WRN: variants seen among roughly 807,000 people sequenced by gnomAD.
The protein encoded by WRN is WRN RecQ like helicase, also known as bifunctional 3'-5' exonuclease/ATP-dependent helicase WRN.
A neutral mutation model predicts 180.7 loss-of-function variants in WRN; 149 were observed. The observed-to-expected ratio is 0.82, with a 90% CI of 0.72 to 0.94. The LOEUF is 0.94. WRN is among the 40% of genes least tolerant of loss of function. WRN has a pLI of 0.00. For synonymous variants in WRN, 548 were observed against 568.9 expected (o/e 0.96, Z 0.52); for missense variants, 1,661 against 1,700.1 (o/e 0.98, Z 0.40).
intron 9 of WRN, among the ~76,000 whole-genome samples, chr8:31,083,193 A>G (rs1813388556): frequency 6.6e-6 from 1 of 152,214 alleles, no homozygotes; most frequent in African/African-American, 2.4e-5. Flanking sequence ...AATAAATAAC[A>G]TCTCTGACAT....
chr8:31,059,126 C>T (rs762558928), intron 2 of WRN, 27 bp from the exon 3 acceptor site: 2 of 1,523,790 alleles, frequency 1.3e-6, no homozygotes, highest in African/African-American at 2.7e-5. Context: ...GAACTTTGTG[C>T]CTGTTTTGAA....
rs527293531 is a variant in WRN at position 31,050,609 on chromosome 8, A to G, written c.-76-7763A>G. Among the ~76,000 whole-genome samples, 8 of 150,732 alleles carry G rather than the reference A, an allele frequency of 5.3e-5. No homozygotes were observed. The South Asian group carries it at 1.5e-3, about 28-fold the overall frequency. ...ACTCTACTTCCTGCTTCTTCATAGTATAATTTTCAACACTAGAGCAGTCTG... is the reference window on the plus strand; with the variant it reads ...ACTCTACTTCCTGCTTCTTCATAGTGTAATTTTCAACACTAGAGCAGTCTG... On this transcript the variant is annotated intron_variant, in intron 1 of 34. Coordinates refer to ENST00000298139, the MANE Select transcript of WRN (RefSeq NM_000553.6).
intron 24 of WRN, among the ~76,000 whole-genome samples, chr8:31,134,370 A>G (rs1489505152): frequency 1.3e-5 from 2 of 152,208 alleles, no homozygotes; most frequent in Non-Finnish European, 2.9e-5. Flanking sequence ...GTAGCAGCAT[A>G]TAATTCTGTC....
intron 24 of WRN, among the ~76,000 whole-genome samples, chr8:31,139,328 A>G (rs1215114466): frequency 6.6e-6 from 1 of 152,206 alleles, no homozygotes; most frequent in Non-Finnish European, 1.5e-5. Flanking sequence ...TTGAGTTATA[A>G]TCTACCGTTT....
intron 8 of WRN, among the ~76,000 whole-genome samples, chr8:31,080,021 C>T (rs1428742565): frequency 5.9e-5 from 9 of 152,128 alleles, no homozygotes; most frequent in Admixed American, 3.3e-4. Context: ...GCTGAGATTA[C>T]AGGCGCATGC....
chr8:31,147,499 T>A (rs1259100549), intron 30 of WRN, 23 bp downstream of exon 30: 1 of 1,408,616 alleles, frequency 7.1e-7, no homozygotes, highest in East Asian at 2.5e-5. Context: ...TTGCATGTGT[T>A]CTATTTATTT....
intron 18 of WRN, among the ~76,000 whole-genome samples, chr8:31,110,908 C>T (rs2019726): frequency 0.79 from 120,508 of 152,144 alleles, 47,900 homozygotes; most frequent in East Asian, 0.89. Context: ...ATGTTGTTAC[C>T]GTACCTTAGA....
At chr8:31,096,532 TTC>T (rs1813984329) in intron 16 of WRN, among the ~76,000 whole-genome samples, 1 of 152,154 alleles carries the variant, frequency 6.6e-6, no homozygotes, top group Non-Finnish European at 1.5e-5. Context: ...CAATAGGTCT[TTC>T]TTTTTATCTG....
chr8:31,155,273 A>G (rs6982004), intron 32 of WRN, among the ~76,000 whole-genome samples: 34,063 of 152,180 alleles, frequency 0.22, 4,050 homozygotes, highest in South Asian at 0.29. Context: ...TTTTCATTCT[A>G]TCTCTTCTAG....
intron 1 of WRN, among the ~76,000 whole-genome samples, chr8:31,037,746 G>T (rs1811503517): frequency 6.6e-6 from 1 of 152,102 alleles, no homozygotes; most frequent in African/African-American, 2.4e-5. Flanking sequence ...TATTATCTGT[G>T]TGTCTCTTTA....
intron 7 of WRN, among the ~76,000 whole-genome samples, chr8:31,068,669 A>G (rs1464605144): frequency 6.6e-6 from 1 of 152,210 alleles, no homozygotes; most frequent in African/African-American, 2.4e-5. Context: ...CTTTCTATAT[A>G]ATGCTTTAAA....
chr8:31,070,810 C>T (rs536169791), intron 7 of WRN, among the ~76,000 whole-genome samples: 4 of 152,068 alleles, frequency 2.6e-5, no homozygotes, highest in Non-Finnish European at 5.9e-5. Context: ...TTTGGGAGGC[C>T]GAGGTGGGTG....
At chr8:31,045,739 A>G (rs1400347989) in intron 1 of WRN, among the ~76,000 whole-genome samples, 1 of 152,078 alleles carries the variant, frequency 6.6e-6, no homozygotes, top group Non-Finnish European at 1.5e-5. Flanking sequence ...AAAGTTTCAT[A>G]TTTAGTAGGG....
At position 31,056,968 on chromosome 8, in the gene WRN, T is replaced by A. The variant is rs761583086; in HGVS notation, c.-76-1404T>A. 1.5e-3 allele frequency among the ~76,000 whole-genome samples: 225 copies of A among 152,116 alleles called. 2 individuals carry two copies. The highest frequency in any genetic ancestry group is 9.0e-4 in the Non-Finnish European group (61 of 67,956). On this transcript the variant is annotated intron_variant, in intron 1 of 34. Coordinates refer to ENST00000298139, the MANE Select transcript of WRN (RefSeq NM_000553.6). Reference sequence around the variant, plus strand: ...GAACTTTGGTGGAGATCTTGCAGTCTCTCTCCCCCAGTGGTGAAAGAATGA... The same window carrying A: ...GAACTTTGGTGGAGATCTTGCAGTCACTCTCCCCCAGTGGTGAAAGAATGA...
rs1814008733 is a variant in WRN at position 31,096,862 on chromosome 8, A to G, written c.1981+12A>G. 6.2e-7 allele frequency: 1 copy of G among 1,608,812 alleles called. No individual in the cohort carries two copies. The highest frequency in any genetic ancestry group is 8.5e-7 in the Non-Finnish European group (1 of 1,175,532). On this transcript the variant is annotated intron_variant, in intron 17 of 34. Transcript: ENST00000298139. The stretch of plus-strand genomic sequence containing the variant: ...TGAGGCTGATATTGGTAAGTGATAA[A>G]GAAAGATCTCTGTAAATACTTACTG...
intron 23 of WRN, among the ~76,000 whole-genome samples, chr8:31,131,051 T>G (rs1351203558): frequency 6.6e-6 from 1 of 152,026 alleles, no homozygotes; most frequent in Non-Finnish European, 1.5e-5. Context: ...GCAATATGCT[T>G]GTGGACATAC....
At chr8:31,145,211 G>A (rs899156806) in intron 28 of WRN, among the ~76,000 whole-genome samples, 2 of 152,218 alleles carry the variant, frequency 1.3e-5, no homozygotes, top group African/African-American at 4.8e-5. Context: ...AGAAGAAGCT[G>A]TCTAGTACTT....
intron 8 of WRN, among the ~76,000 whole-genome samples, chr8:31,077,007 A>T (rs1454415603): frequency 6.6e-6 from 1 of 152,204 alleles, no homozygotes; most frequent in African/African-American, 2.4e-5. Context: ...GAATGTGGTA[A>T]TGTAATTTTG....
chr8:31,158,436 A>T (rs906953641), intron 33 of WRN, among the ~76,000 whole-genome samples: 1 of 152,012 alleles, frequency 6.6e-6, no homozygotes, highest in South Asian at 2.1e-4. Flanking sequence ...AATAGGAGAT[A>T]CGTTAGAGGA....
Sources: allele counts gnomAD v4.1 joint callset (sites outside exome capture counted in the v4.1 genomes callset), GRCh38; gene constraint gnomAD v4.1.1; transcripts MANE v1.5; gene names NCBI Gene and HGNC (gene_info 2026-07-23, HGNC 2026-07-21).